DGKI: variants seen among roughly 807,000 people sequenced by gnomAD.
The protein encoded by DGKI is DAG kinase iota.
DGKI carries 55 observed loss-of-function variants against 147.5 expected under a neutral mutation model. The observed-to-expected ratio is 0.37, with a 90% CI of 0.30 to 0.47. DGKI has a LOEUF of 0.47. Among genes scored for constraint, DGKI ranks in the 20% least tolerant of loss-of-function variants. The probability of loss-of-function intolerance (pLI) is 1.00; values close to 1 mark genes in which losing one functional copy is unlikely to be tolerated. For missense variants in DGKI, 1,007 were observed against 1,323.8 expected (o/e 0.76, Z 3.71); for synonymous variants, 469 against 477.1 (o/e 0.98, Z 0.22).
At chr7:137,484,917 G>A (rs1359332249) in intron 23 of DGKI, among the ~76,000 whole-genome samples, 1 of 152,012 alleles carries the variant, frequency 6.6e-6, no homozygotes, top group Non-Finnish European at 1.5e-5. Flanking sequence ...GCTAATGGCA[G>A]TCATCTTGGA....
intron 21 of DGKI, among the ~76,000 whole-genome samples, chr7:137,491,967 G>A (rs1815778936): frequency 6.6e-6 from 1 of 152,194 alleles, no homozygotes; most frequent in South Asian, 2.1e-4. Context: ...CCCTAGATGA[G>A]CCCTTTTCCT....
At position 137,469,629 on chromosome 7, in the gene DGKI, GAC is replaced by G. The variant is rs751744044; in HGVS notation, c.2374-12_2374-11del. 2 of 1,613,402 alleles carry G rather than the reference GAC, an allele frequency of 1.2e-6. No individual in the cohort carries two copies. The highest frequency in any genetic ancestry group is 1.1e-5 in the South Asian group (1 of 91,006). The stretch of plus-strand genomic sequence containing the variant: ...AGGAGGTTTCATGGTCCTGGAAAGA[GAC>G]ACACACACTCTAGTGGCTGCATTTC... On this transcript the variant is annotated splice_polypyrimidine_tract_variant and intron_variant, in intron 23 of 32. Coordinates refer to ENST00000614521, the MANE Select transcript of DGKI (RefSeq NM_001321708.2).
intron 8 of DGKI, among the ~76,000 whole-genome samples, chr7:137,615,527 ATGTATGTG>A (rs966576436): frequency 1.5e-5 from 2 of 137,412 alleles, no homozygotes; most frequent in African/African-American, 5.9e-5. Context: ...GTGTATATGT[ATGTATGTG>A]TGTGTGTGTG....
At chr7:137,754,361 T>A (rs956418915) in intron 1 of DGKI, among the ~76,000 whole-genome samples, 1 of 152,134 alleles carries the variant, frequency 6.6e-6, no homozygotes, top group Non-Finnish European at 1.5e-5. Context: ...GGAGATCACA[T>A]CTTCAGGTCC....
intron 28 of DGKI, among the ~76,000 whole-genome samples, chr7:137,427,542 A>C (rs1258648645): frequency 6.6e-6 from 1 of 152,320 alleles, no homozygotes; most frequent in East Asian, 1.9e-4. Context: ...GCAAGAAATA[A>C]CTAAAATCAG....
At chr7:137,728,710 C>T (rs1157230585) in intron 1 of DGKI, among the ~76,000 whole-genome samples, 1 of 152,094 alleles carries the variant, frequency 6.6e-6, no homozygotes, top group Non-Finnish European at 1.5e-5. Flanking sequence ...CCAGCTTTTC[C>T]CCCCATGGTT....
intron 29 of DGKI, among the ~76,000 whole-genome samples, chr7:137,411,562 AC>A (rs1812164309): frequency 6.6e-6 from 1 of 152,172 alleles, no homozygotes; most frequent in Non-Finnish European, 1.5e-5. Context: ...AAATAATTAC[AC>A]AAAATCACAC....
At position 137,846,867 on chromosome 7, in the gene DGKI, G is replaced by T. The variant is rs1468489606; in HGVS notation, c.-5C>A. The T allele has an allele frequency of 3.5e-6, 4 of 1,153,442 alleles. No homozygotes were observed. Among genetic ancestry groups the T allele is most frequent in the Admixed American group, 9.5e-5 (2 of 21,038 alleles). 71.5% of individuals were successfully genotyped at this position (1,153,442 alleles called of 1,614,324 possible). The stretch of plus-strand genomic sequence containing the variant: ...GCCCCTTCCCGCAGCATCCATCCGC[G>T]GCTGCACCGCACCGGGGCATTGTGG... On this transcript the variant is annotated 5_prime_UTR_variant, in exon 1 of 33. Transcript: ENST00000614521. This position sits in a 1 kb window ranked among gnomAD's most constrained non-coding sequence, Gnocchi z 4.0.
chr7:137,651,823 C>T (rs1055106255), intron 5 of DGKI, among the ~76,000 whole-genome samples: 5 of 151,804 alleles, frequency 3.3e-5, no homozygotes, highest in Middle Eastern at 3.2e-3. Context: ...GAGAGCATTC[C>T]AAAAAGGATG....
chr7:137,683,957 G>A (rs1288159852), intron 2 of DGKI, among the ~76,000 whole-genome samples: 1 of 152,156 alleles, frequency 6.6e-6, no homozygotes, highest in Non-Finnish European at 1.5e-5. Context: ...AAGGTGAGGT[G>A]AGTGTTTGAG....
chr7:137,662,283 C>T (rs887505680), intron 3 of DGKI, among the ~76,000 whole-genome samples: 12 of 146,116 alleles, frequency 8.2e-5, no homozygotes, highest in Admixed American at 6.1e-4. Context: ...CACTTTGTTG[C>T]CCGGGGTTGG....
At chr7:137,460,243 A>T (rs1360958596) in intron 27 of DGKI, among the ~76,000 whole-genome samples, 2 of 152,208 alleles carry the variant, frequency 1.3e-5, no homozygotes, top group Non-Finnish European at 2.9e-5. Flanking sequence ...TAAATTTTGC[A>T]TTATCGAGTA....
chr7:137,464,784 G>A (rs1181000202), intron 26 of DGKI, among the ~76,000 whole-genome samples: 1 of 152,228 alleles, frequency 6.6e-6, no homozygotes, highest in Admixed American at 6.5e-5. Flanking sequence ...TGACATTGCA[G>A]TTGTGCTAGC....
chr7:137,500,472 C>T (rs1023256580), intron 21 of DGKI, among the ~76,000 whole-genome samples: 2 of 152,102 alleles, frequency 1.3e-5, no homozygotes, highest in African/African-American at 4.8e-5. Flanking sequence ...AACTATTCAA[C>T]CTCAGCAAAT....
intron 17 of DGKI, among the ~76,000 whole-genome samples, chr7:137,575,850 T>C (rs1010167941): frequency 1.3e-5 from 2 of 151,504 alleles, no homozygotes; most frequent in African/African-American, 4.9e-5. Context: ...AAGGCCTTTG[T>C]CTCTTGTTTC....
intron 1 of DGKI, among the ~76,000 whole-genome samples, chr7:137,767,076 T>C (rs1796035168): frequency 6.6e-6 from 1 of 152,102 alleles, no homozygotes; most frequent in South Asian, 2.1e-4. Context: ...TATTCATGTC[T>C]GTGACCTGAT....
At chr7:137,574,280 A>T (rs560730687) in intron 17 of DGKI, among the ~76,000 whole-genome samples, 1 of 152,352 alleles carries the variant, frequency 6.6e-6, no homozygotes, top group Non-Finnish European at 1.5e-5. Flanking sequence ...CTAGACATTA[A>T]AGATGTTTTT....
intron 23 of DGKI, among the ~76,000 whole-genome samples, chr7:137,481,697 T>C (rs1413669722): frequency 1.3e-5 from 2 of 152,108 alleles, no homozygotes; most frequent in Admixed American, 6.6e-5. Flanking sequence ...ACCAAAGCAA[T>C]GAAATGCTTA....
At chr7:137,610,204 C>T (rs1820320050) in intron 8 of DGKI, among the ~76,000 whole-genome samples, 1 of 152,126 alleles carries the variant, frequency 6.6e-6, no homozygotes, top group African/African-American at 2.4e-5. Context: ...CACCTTAAAT[C>T]ACTATGAGAG....
Sources: allele counts gnomAD v4.1 joint callset (sites outside exome capture counted in the v4.1 genomes callset), GRCh38; gene constraint gnomAD v4.1.1; non-coding constraint Gnocchi (gnomAD v3.1); transcripts MANE v1.5; gene names NCBI Gene and HGNC (gene_info 2026-07-23, HGNC 2026-07-21).